MEIS1: variants seen among roughly 807,000 people sequenced by gnomAD.
MEIS1 encodes homeobox protein Meis1.
Under a neutral mutation model 50.8 loss-of-function variants are expected in MEIS1, and 5 were observed. The ratio of observed to expected loss-of-function variants is 0.10; its 90% CI spans 0.05 to 0.21. The LOEUF (loss-of-function observed/expected upper bound fraction) is 0.21. Among genes scored for constraint, MEIS1 ranks in the 10% least tolerant of loss-of-function variants. The pLI is 1.00. For missense variants in MEIS1, 318 were observed against 517.3 expected (o/e 0.61, Z 3.74); for synonymous variants, 176 against 179.3 (o/e 0.98, Z 0.15).
intron 6 of MEIS1, 112 bp from the exon 7 acceptor site, chr2:66,463,997 T>G: frequency 2.8e-6 from 2 of 710,508 alleles, no homozygotes; most frequent in Non-Finnish European, 4.9e-6. Context: ...ATGGGAAAGG[T>G]GGCATGGTTA....
intron 7 of MEIS1, among the ~76,000 whole-genome samples, chr2:66,468,954 G>T (rs553091658): frequency 6.6e-6 from 1 of 152,278 alleles, no homozygotes; most frequent in East Asian, 1.9e-4. Context: ...AAGACTTAGT[G>T]AATTAAGAAT....
intron 7 of MEIS1, among the ~76,000 whole-genome samples, chr2:66,488,200 T>C (rs868623260): frequency 1.3e-5 from 2 of 152,216 alleles, no homozygotes; most frequent in South Asian, 4.1e-4. Context: ...GTATACTTTA[T>C]CTATGCTGAT....
At chr2:66,438,112 G>A in intron 2 of MEIS1, 149 bp downstream of exon 2, 2 of 764,756 alleles carry the variant, frequency 2.6e-6, no homozygotes, top group Non-Finnish European at 4.1e-6. Flanking sequence ...ATTTGGGGAG[G>A]TGGCCTGCCA....
chr2:66,460,338 A>G (rs1022601030), intron 6 of MEIS1, among the ~76,000 whole-genome samples: 2 of 152,176 alleles, frequency 1.3e-5, no homozygotes, highest in Non-Finnish European at 2.9e-5. Context: ...AGATGCCAGT[A>G]AGATTGCCTT....
intron 8 of MEIS1, among the ~76,000 whole-genome samples, chr2:66,521,769 G>A (rs966344704): frequency 6.6e-6 from 1 of 152,160 alleles, no homozygotes. Flanking sequence ...TGCTGCTAAT[G>A]TCTCCTTCTC....
chr2:66,538,652 GA>G (rs1433913265), intron 8 of MEIS1, among the ~76,000 whole-genome samples: 1 of 152,138 alleles, frequency 6.6e-6, no homozygotes, highest in Non-Finnish European at 1.5e-5. Flanking sequence ...TCATCACTGG[GA>G]ATAGCATTCA....
At chr2:66,496,863 T>C (rs1232773438) in intron 7 of MEIS1, among the ~76,000 whole-genome samples, 2 of 152,212 alleles carry the variant, frequency 1.3e-5, no homozygotes, top group Admixed American at 6.5e-5. Flanking sequence ...TACAAAGCAT[T>C]GGAACTGGCA....
chr2:66,478,222 A>G (rs2103778340), intron 7 of MEIS1, among the ~76,000 whole-genome samples: 1 of 152,188 alleles, frequency 6.6e-6, no homozygotes, highest in South Asian at 2.1e-4. Context: ...TTTGGAAAAC[A>G]TTAATTGCTC....
chr2:66,485,612 C>G (rs1673123526), intron 7 of MEIS1, among the ~76,000 whole-genome samples: 1 of 152,202 alleles, frequency 6.6e-6, no homozygotes, highest in Non-Finnish European at 1.5e-5. Context: ...TGGGAATATA[C>G]CCAGTAATGG....
intron 6 of MEIS1, among the ~76,000 whole-genome samples, chr2:66,461,216 AAAT>A (rs1397986860): frequency 3.9e-5 from 6 of 152,154 alleles, no homozygotes; most frequent in Non-Finnish European, 2.9e-5. Flanking sequence ...TTTATTTTAA[AAAT>A]AATAATGATG....
chr2:66,436,202 T>C (rs1671793118), intron 1 of MEIS1, among the ~76,000 whole-genome samples: 1 of 152,230 alleles, frequency 6.6e-6, no homozygotes, highest in Admixed American at 6.5e-5. Context: ...AAGTTTAAAG[T>C]TATGTTTAAA....
At chr2:66,549,064 G>A (rs900514766) in intron 9 of MEIS1, among the ~76,000 whole-genome samples, 3 of 152,156 alleles carry the variant, frequency 2.0e-5, no homozygotes, top group African/African-American at 7.2e-5. Context: ...CTCTGTTAGA[G>A]AGCCTGGGAG....
At chr2:66,496,244 C>G (rs1372580942) in intron 7 of MEIS1, 1 of 152,188 alleles carries the variant, frequency 6.6e-6, no homozygotes, top group Non-Finnish European at 1.5e-5. Context: ...CTCCCCTCCC[C>G]TCGGGCGTGG....
chr2:66,503,561 T>C (rs1388120973), intron 7 of MEIS1, among the ~76,000 whole-genome samples: 1 of 152,198 alleles, frequency 6.6e-6, no homozygotes, highest in East Asian at 1.9e-4. Flanking sequence ...GTAATTATTT[T>C]GTTTAACTTT....
At chr2:66,446,110 A>G (rs1573126628) in intron 6 of MEIS1, among the ~76,000 whole-genome samples, 1 of 151,722 alleles carries the variant, frequency 6.6e-6, no homozygotes, top group African/African-American at 2.4e-5. Context: ...GCGACCCCGG[A>G]GCAGAGGGAG....
intron 3 of MEIS1, chr2:66,440,250 T>C: frequency 1.7e-6 from 1 of 590,712 alleles, no homozygotes. Context: ...CGTGGAGAGC[T>C]CACTCTGCAG....
rs867839014 is a variant in MEIS1 at position 66,437,923 on chromosome 2, G to A, written c.199G>A (p.Val67Ile). 1.7e-5 allele frequency: 27 copies of A among 1,599,516 alleles called. No homozygotes were observed. The Middle Eastern group carries it at 3.3e-3, about 196-fold the overall frequency. ...NAMAPSMGSS[V>I]NDALKRDKDA... Reference sequence around the variant, plus strand: ...CATGGCCCCCAGCATGGGCTCCTCTGTCAATGACGCTTTAAAGAGAGATAA... The same window carrying A: ...CATGGCCCCCAGCATGGGCTCCTCTATCAATGACGCTTTAAAGAGAGATAA... Residue 67 changes from valine to isoleucine, a missense_variant, in exon 2 of 13, where the codon GTC becomes ATC. By Grantham distance (29) the Val-to-Ile change is conservative. Transcript: ENST00000272369.
chr2:66,510,537 G>T (rs998158403), intron 7 of MEIS1, among the ~76,000 whole-genome samples: 13 of 152,226 alleles, frequency 8.5e-5, no homozygotes, highest in African/African-American at 2.9e-4. Flanking sequence ...TAAAATTACA[G>T]ATTTTTAATG....
intron 9 of MEIS1, among the ~76,000 whole-genome samples, chr2:66,562,462 C>T (rs1323910368): frequency 2.0e-5 from 3 of 151,856 alleles, no homozygotes; most frequent in Admixed American, 6.5e-5. Flanking sequence ...GCAAAACTTC[C>T]TGTATTTCTT....
Sources: gnomAD v4.1 joint callset for allele counts (sites outside exome capture counted in the v4.1 genomes callset) on GRCh38, gnomAD v4.1.1 for gene constraint, MANE v1.5 for transcripts, NCBI Gene and HGNC (gene_info 2026-07-23, HGNC 2026-07-21) for gene names.